The following TFB1M variants were observed in gnomAD, a reference collection of about 807,000 sequenced individuals.
TFB1M encodes dimethyladenosine transferase 1, mitochondrial.
A neutral mutation model predicts 31.1 loss-of-function variants in TFB1M; 27 were observed. The ratio of observed to expected loss-of-function variants is 0.87; its 90% confidence interval spans 0.64 to 1.20. The LOEUF (loss-of-function observed/expected upper bound fraction) is 1.20, where lower values mean the gene tolerates loss of function less well. TFB1M is among the 50% of genes most tolerant of loss of function. The probability of loss-of-function intolerance (pLI) is 0.00; values close to 1 mark genes in which losing one functional copy is unlikely to be tolerated. For synonymous variants in TFB1M, 166 were observed against 151.8 expected (o/e 1.09, Z -0.69); for missense variants, 394 against 418.7 (o/e 0.94, Z 0.51).
intron 5 of TFB1M, among the ~76,000 whole-genome samples, chr6:155,269,417 G>C (rs1328218251): frequency 2.0e-5 from 3 of 149,350 alleles, no homozygotes; most frequent in Non-Finnish European, 4.4e-5. Flanking sequence ...CGTCTGCTGG[G>C]TTCAAGCGAT....
At chr6:155,279,296 T>TA (rs747258592) in intron 5 of TFB1M, among the ~76,000 whole-genome samples, 201 of 152,164 alleles carry the variant, frequency 1.3e-3, no homozygotes, top group Non-Finnish European at 2.3e-3. Flanking sequence ...ACAAAAATGA[T>TA]AGACTTAAAT....
chr6:155,309,719 G>A (rs1582887473), intron 2 of TFB1M, among the ~76,000 whole-genome samples: 1 of 152,218 alleles, frequency 6.6e-6, no homozygotes, highest in East Asian at 1.9e-4. Context: ...AGGGCTACAC[G>A]AATAAGCCCG....
downstream of TFB1M, chr6:155,254,834 C>T (rs1783900978): frequency 1.7e-5 from 7 of 423,752 alleles, no homozygotes; most frequent in Non-Finnish European, 2.6e-5. Context: ...CTAAGATGTG[C>T]ATGGGTCCAG....
intron 5 of TFB1M, among the ~76,000 whole-genome samples, chr6:155,272,530 C>T (rs1419389126): frequency 6.6e-6 from 1 of 151,866 alleles, no homozygotes; most frequent in Non-Finnish European, 1.5e-5. Context: ...ACCACCACCA[C>T]CACAGCTGCT....
chr6:155,313,255 GAAA>G (rs79295369), intron 1 of TFB1M: 3 of 104,094 alleles, frequency 2.9e-5, no homozygotes, highest in Non-Finnish European at 6.3e-5. Flanking sequence ...CTTAAAAAAA[GAAA>G]AAAAAAAAAA....
At chr6:155,247,554 G>C in the TFB1M span, among the ~76,000 whole-genome samples, 5 of 152,050 alleles carry the variant, frequency 3.3e-5, no homozygotes, top group Admixed American at 2.0e-4. Flanking sequence ...TCTCGAACTC[G>C]TGACCTCAGG....
rs753804173 is a variant in TFB1M, at chr6:155,258,091, A to AAGAC, written c.795-13_795-10dup. 236 of 1,609,412 alleles carry AAGAC rather than the reference A, an allele frequency of 1.5e-4. No individual in the cohort carries two copies. The highest frequency in any genetic ancestry group is 2.0e-4 in the African/African-American group (15 of 74,928). The stretch of plus-strand genomic sequence containing the variant: ...CTTCAGGGAATAACATTCTGAGGGG[A>AAGAC]AGACAGACAGACAGAAAAATAAGAA... On this transcript the variant is annotated splice_polypyrimidine_tract_variant and intron_variant, in intron 6 of 6. Transcript: ENST00000367166.
rs74588957 is a variant in TFB1M, at chr6:155,314,420, G to A, written c.9C>T (p.Ala3=). MA[A]SGKLSTCRLP... is the part of the protein sequence containing the mutation. ...GACGGCAAGTGCTGAGTTTTCCGGA[G>A]GCAGCCATGATACGCGGCAAGCACC... is the stretch of plus-strand genomic sequence containing the variant. Residue 3 remains alanine (A), a synonymous_variant, in exon 1 of 7, where the codon GCC becomes GCT. Coordinates refer to ENST00000367166, the MANE Select transcript of TFB1M (RefSeq NM_016020.4). 143 of 1,614,174 alleles carry A rather than the reference G, an allele frequency of 8.9e-5. No homozygotes were observed. The South Asian group carries it at 9.2e-4, about 10-fold the overall frequency.
chr6:155,254,130 A>G, downstream of TFB1M: 16 of 1,495,510 alleles, frequency 1.1e-5, no homozygotes, highest in Non-Finnish European at 1.5e-5. Flanking sequence ...GGGAATTTAT[A>G]TTTAGTGCCC....
intron 5 of TFB1M, among the ~76,000 whole-genome samples, chr6:155,268,753 T>C (rs1784779794): frequency 6.6e-6 from 1 of 151,072 alleles, no homozygotes. Flanking sequence ...GAAGGCAGCA[T>C]GCTTGCTAAG....
In TFB1M at chr6:155,257,062, T is replaced by C; in HGVS notation, c.*774A>G. ...AGAGCGAGAATTCAGTGTCCAGAGT[T>C]TAACATCTGTTGTCAGTGAGGAGTG... On this transcript the variant is annotated 3_prime_UTR_variant, in exon 7 of 7. Coordinates refer to ENST00000367166, the MANE Select transcript of TFB1M (RefSeq NM_016020.4). The C allele has an allele frequency of 6.2e-7, 1 of 1,614,170 alleles. No homozygotes were observed. The highest frequency in any genetic ancestry group is 2.2e-5 in the East Asian group (1 of 44,886).
chr6:155,270,169 G>A (rs773129930), intron 5 of TFB1M, among the ~76,000 whole-genome samples: 3 of 152,214 alleles, frequency 2.0e-5, no homozygotes, highest in Admixed American at 2.0e-4. Flanking sequence ...TGCCACTAAT[G>A]AACCTGGGAA....
At chr6:155,246,233 CCTGGAGGGCAT>C in the TFB1M span, among the ~76,000 whole-genome samples, 230 of 152,206 alleles carry the variant, frequency 1.5e-3, 1 homozygote, top group Non-Finnish European at 2.6e-3. Flanking sequence ...TCTGCGTGGG[CCTGGAGGGCAT>C]CTGGAGGTTT....
Position 155,311,243 on chromosome 6 carries a change from T to G in TFB1M, c.230A>C (p.Asp77Ala), listed in dbSNP as rs1778004064. The G allele has an allele frequency of 6.2e-7, 1 of 1,614,018 alleles. No individual in the cohort carries two copies. Among genetic ancestry groups the G allele is most frequent in the Non-Finnish European group, 8.5e-7 (1 of 1,179,988 alleles). The part of the protein sequence containing the change: ...GGITRSILNA[D>A]VAELLVVEKD... ...TTCAACCACCAGAAGTTCAGCGACG[T>G]CGGCATTAAGAATAGATCTTGTGAT... Residue 77 changes from aspartate to alanine, a missense_variant, in exon 2 of 7, where the codon GAC becomes GCC. Asp to Ala is a moderately radical substitution (Grantham distance 126). Transcript: ENST00000367166.
chr6:155,276,550 A>C, intron 5 of TFB1M: 1 of 595,678 alleles, frequency 1.7e-6, no homozygotes, highest in Non-Finnish European at 2.9e-6. Context: ...ATACAATTAC[A>C]TCTGTCTGAA....
the TFB1M span, chr6:155,244,784 G>GT: frequency 1.9e-6 from 3 of 1,605,700 alleles, no homozygotes; most frequent in East Asian, 2.2e-5. Flanking sequence ...ACAGTTTAGA[G>GT]TAAGTATCTC....
chr6:155,260,531 ACTTC>A, intron 5 of TFB1M, 131 bp from the exon 6 acceptor site: 2 of 1,211,826 alleles, frequency 1.7e-6, no homozygotes, highest in Non-Finnish European at 2.4e-6. Flanking sequence ...CTTTCCACGT[ACTTC>A]GGTTTCATCT....
chr6:155,311,192 A>C lies in TFB1M; in HGVS notation c.281T>G (p.Leu94Ter), dbSNP rs1355930010. The C allele has an allele frequency of 1.2e-6, 2 of 1,613,964 alleles. No homozygotes were observed. The highest frequency in any genetic ancestry group is 4.5e-5 in the East Asian group (2 of 44,892). ...VEKDTRFIPG[L>*]QMLSDAAPGK... ...CAGACACTTTAAGCATCTCACCTGT[A>C]ATCCAGGAATAAATCGAGTGTCCTT... Residue 94 changes from leucine (L) to a stop codon, truncating the protein, a stop_gained, in exon 2 of 7, where the codon TTA becomes TGA. Coordinates refer to ENST00000367166, the MANE Select transcript of TFB1M (RefSeq NM_016020.4). LOFTEE classifies it high-confidence loss of function.
At chr6:155,290,579 CTT>C (rs1206421806) in intron 4 of TFB1M, among the ~76,000 whole-genome samples, 3 of 151,936 alleles carry the variant, frequency 2.0e-5, no homozygotes, top group African/African-American at 7.3e-5. Context: ...CTAAAATCAA[CTT>C]TTTTTGTTAA....
Sources: gnomAD v4.1 joint callset for allele counts (sites outside exome capture counted in the v4.1 genomes callset) on GRCh38, gnomAD v4.1.1 for gene constraint, MANE v1.5 for transcripts, NCBI Gene and HGNC (gene_info 2026-07-23, HGNC 2026-07-21) for gene names.